UBA2: variants seen among roughly 807,000 people sequenced by gnomAD.
UBA2 encodes the protein SUMO-activating enzyme subunit 2.
Under a neutral mutation model 77.2 loss-of-function variants are expected in UBA2, and 11 were observed. That is an observed-to-expected ratio of 0.14 (90% confidence interval 0.09 to 0.24). The LOEUF is 0.24. Ranked by LOEUF, UBA2 falls within the 10% of genes least tolerant of loss-of-function variation. The pLI, the probability that UBA2 is intolerant of heterozygous loss-of-function variation, is 1.00. For missense variants in UBA2, 487 were observed against 781.7 expected, an observed-to-expected ratio of 0.62 and a Z score of 4.50; for synonymous variants, 278 against 276.7, an observed-to-expected ratio of 1.00 and a Z score of -0.05.
chr19:34,435,172 C>T (rs1013042276), intron 5 of UBA2, among the ~76,000 whole-genome samples: 4 of 152,062 alleles, frequency 2.6e-5, no homozygotes, highest in South Asian at 2.1e-4. Context: ...CCGAGGTGGG[C>T]GGATCACCTG....
chr19:34,464,349 G>A (rs1364269571), intron 15 of UBA2, among the ~76,000 whole-genome samples: 3 of 152,120 alleles, frequency 2.0e-5, no homozygotes, highest in African/African-American at 7.2e-5. Context: ...CCTGAGGTCA[G>A]GAGTTCGAGA....
chr19:34,436,221 A>G (rs185295816), intron 5 of UBA2, among the ~76,000 whole-genome samples: 1 of 152,298 alleles, frequency 6.6e-6, no homozygotes, highest in Non-Finnish European at 1.5e-5. Flanking sequence ...AAGTACTTCA[A>G]ACATTTAAAT....
chr19:34,436,226 T>C (rs1272006782), intron 5 of UBA2, among the ~76,000 whole-genome samples: 1 of 152,208 alleles, frequency 6.6e-6, no homozygotes, highest in Non-Finnish European at 1.5e-5. Flanking sequence ...CTTCAAACAT[T>C]TAAATACAAC....
chr19:34,428,960 G>T, intron 1 of UBA2: 1 of 986,760 alleles, frequency 1.0e-6, no homozygotes, highest in Non-Finnish European at 1.2e-6. Context: ...GGTCCCTGTC[G>T]TAACTCCGAA....
intron 16 of UBA2, among the ~76,000 whole-genome samples, chr19:34,468,460 A>G (rs2075709505): frequency 1.3e-5 from 2 of 152,218 alleles, no homozygotes; most frequent in South Asian, 4.1e-4. Flanking sequence ...GCCATGAGTA[A>G]GATAGGTATT....
At chr19:34,457,179 A>AAAATATATATATATATAT (rs1262007864) in intron 12 of UBA2, among the ~76,000 whole-genome samples, 23 of 53,210 alleles carry the variant, frequency 4.3e-4, no homozygotes, top group African/African-American at 1.3e-3. Context: ...AAAAAAAAAA[A>AAAATATATATATATATAT]ATATATATAT....
At chr19:34,458,310 CT>C (rs2075591481) in intron 12 of UBA2, among the ~76,000 whole-genome samples, 1 of 151,302 alleles carries the variant, frequency 6.6e-6, no homozygotes, top group South Asian at 2.1e-4. Flanking sequence ...AATCCCAGCA[CT>C]TTGGGAGGCC....
Position 34,434,873 on chromosome 19 carries a change from C to T in UBA2, c.364C>T (p.Arg122Ter), listed in dbSNP as rs1599889628. 3.1e-6 allele frequency: 5 copies of T among 1,599,766 alleles called. No homozygotes were observed. The highest frequency in any genetic ancestry group is 4.3e-6 in the Non-Finnish European group (5 of 1,171,760). ...ACTGTTTGTTTTACTTCCAGCTGCC[C>T]GAAACCATGTTAATAGAATGTGCCT... ...VMNALDNRAA[R>*]NHVNRMCLAA... Residue 122 changes from arginine (R) to a stop codon, truncating the protein, a stop_gained, in exon 5 of 17, where the codon CGA (arginine) becomes TGA (stop). Coordinates refer to ENST00000246548, the MANE Select transcript of UBA2 (RefSeq NM_005499.3). LOFTEE classifies it high-confidence loss of function.
intron 14 of UBA2, among the ~76,000 whole-genome samples, chr19:34,461,289 C>G (rs1389340885): frequency 6.6e-6 from 1 of 152,148 alleles, no homozygotes; most frequent in Non-Finnish European, 1.5e-5. Context: ...GTCCATTGGT[C>G]ATTTATTCAT....
chr19:34,447,909 C>T (rs1022856901), intron 8 of UBA2, among the ~76,000 whole-genome samples: 1 of 152,098 alleles, frequency 6.6e-6, no homozygotes, highest in African/African-American at 2.4e-5. Flanking sequence ...ACAGTATGTA[C>T]AAGGAAACTC....
At chr19:34,449,436 ATT>A (rs2075468572) in intron 8 of UBA2, among the ~76,000 whole-genome samples, 1 of 38,496 alleles carries the variant, frequency 2.6e-5, no homozygotes, top group Admixed American at 3.5e-4. Flanking sequence ...TGTTTGGCTT[ATT>A]CTCTATAAAG....
chr19:34,460,397 T>C, intron 13 of UBA2, 73 bp from the exon 14 acceptor site: 1 of 998,648 alleles, frequency 1.0e-6, no homozygotes, highest in Non-Finnish European at 1.5e-6. Context: ...AGAGCCTTTA[T>C]AGAAGTCTAG....
In UBA2 at chr19:34,471,005, C is replaced by T. The variant is rs2075728992; in HGVS notation, c.*1784C>T. 1 of 152,130 alleles carries T rather than the reference C, an allele frequency of 6.6e-6. No individual in the cohort carries two copies. Among genetic ancestry groups the T allele is most frequent in the Non-Finnish European group, 1.5e-5 (1 of 68,038 alleles). The allele number at this position is 152,130 out of a possible 1,614,324, so 9.4% of individuals were successfully genotyped here. On this transcript the variant is annotated 3_prime_UTR_variant, in exon 17 of 17. Transcript: ENST00000246548. ...TTTACCAAAGTCCATTTTGAATGTA[C>T]CATCCCCAGCCCAACTCCAGCCTAC...
chr19:34,450,416 TAA>T (rs2075480137), intron 9 of UBA2, 52 bp downstream of exon 9: 1 of 1,337,476 alleles, frequency 7.5e-7, no homozygotes, highest in South Asian at 1.3e-5. Flanking sequence ...TATCCTCGCG[TAA>T]AGTCTTTGTA....
chr19:34,460,426 A>G, intron 13 of UBA2, 44 bp from the exon 14 acceptor site: 1 of 1,252,678 alleles, frequency 8.0e-7, no homozygotes, highest in Non-Finnish European at 1.1e-6. Flanking sequence ...ATGATCTTTA[A>G]TTACCTACGT....
intron 16 of UBA2, 104 bp from the exon 17 acceptor site, chr19:34,468,935 TG>T: frequency 1.2e-6 from 1 of 847,992 alleles, no homozygotes; most frequent in Non-Finnish European, 1.7e-6. Flanking sequence ...TTCTTAAGTC[TG>T]GTGTGTATTA....
At chr19:34,459,081 C>CT (rs1165579767) in intron 13 of UBA2, among the ~76,000 whole-genome samples, 157 bp downstream of exon 13, 2 of 152,166 alleles carry the variant, frequency 1.3e-5, no homozygotes, top group Non-Finnish European at 2.9e-5. Flanking sequence ...GCAGGCTTTT[C>CT]TGTCTGTGGT....
Position 34,428,480 on chromosome 19 carries a change from C to T in UBA2, c.48C>T (p.Ala16=), listed in dbSNP as rs752671356. The change falls in exon 1 of 17, where the codon GCC becomes GCT. Residue 16 remains alanine (A), a synonymous_variant. Coordinates refer to ENST00000246548, the MANE Select transcript of UBA2 (RefSeq NM_005499.3). The stretch of plus-strand genomic sequence containing the variant: ...CCCGGGAGCTGGCTGAGGCGGTGGC[C>T]GGGGGCCGGGTGCTGGTGGTGGGGG... ...GLPRELAEAV[A]GGRVLVVGAG... is the part of the protein sequence containing the mutation. 46 of 1,292,846 alleles carry T rather than the reference C, an allele frequency of 3.6e-5. No individual in the cohort carries two copies. The highest frequency in any genetic ancestry group is 1.4e-4 in the African/African-American group (9 of 66,142). 80.1% of individuals were successfully genotyped at this position (1,292,846 alleles called of 1,614,324 possible).
intron 1 of UBA2, 109 bp from the exon 2 acceptor site, chr19:34,430,467 C>A: frequency 1.5e-6 from 1 of 662,472 alleles, no homozygotes; most frequent in Non-Finnish European, 2.5e-6. Context: ...ACGCTTTCTC[C>A]ACTAATGTAG....
Sources: gnomAD v4.1 joint callset for allele counts (sites outside exome capture counted in the v4.1 genomes callset) on GRCh38, gnomAD v4.1.1 for gene constraint, MANE v1.5 for transcripts, NCBI Gene and HGNC (gene_info 2026-07-23, HGNC 2026-07-21) for gene names.